Variants in LRRC37A2 observed in about 807,000 individuals in gnomAD.
The protein encoded by LRRC37A2 is leucine rich repeat containing 37 member A2, also known as leucine-rich repeat-containing protein 37A2.
In LRRC37A2, 9 loss-of-function variants were observed where a neutral mutation model predicts 68.8. That is an observed-to-expected ratio of 0.13 (90% CI 0.08 to 0.23). The LOEUF is 0.23. Ranked by LOEUF, LRRC37A2 falls within the 10% of genes least tolerant of loss-of-function variation. The pLI is 1.00. For synonymous variants in LRRC37A2, 63 were observed against 367.6 expected (o/e 0.17, Z 9.48); for missense variants, 168 against 950.4 (o/e 0.18, Z 10.82).
chr17:46,630,979 C>G, the LRRC37A2 span, among the ~76,000 whole-genome samples: 2 of 138,058 alleles, frequency 1.4e-5, no homozygotes, highest in African/African-American at 3.0e-5. Flanking sequence ...TGTATACTAC[C>G]TTTACCCAGC....
chr17:46,888,788 A>G, the LRRC37A2 span, among the ~76,000 whole-genome samples: 1 of 152,138 alleles, frequency 6.6e-6, no homozygotes, highest in Non-Finnish European at 1.5e-5. Context: ...AGTGAAAACC[A>G]GTGTTTCTGA....
the LRRC37A2 span, among the ~76,000 whole-genome samples, chr17:46,881,646 G>A: frequency 1.2e-4 from 18 of 152,034 alleles, no homozygotes; most frequent in African/African-American, 3.4e-4. Flanking sequence ...AAACAGGCCC[G>A]CAGACCCCTC....
At chr17:46,866,786 C>T in the LRRC37A2 span, among the ~76,000 whole-genome samples, 1 of 152,108 alleles carries the variant, frequency 6.6e-6, no homozygotes, top group East Asian at 1.9e-4. Context: ...TTGTCCTGTG[C>T]CACCCACCCA....
the LRRC37A2 span, among the ~76,000 whole-genome samples, chr17:46,498,275 TA>T: frequency 6.7e-6 from 1 of 148,408 alleles, no homozygotes; most frequent in Admixed American, 6.7e-5. Context: ...ACCTCTTTTC[TA>T]AACTCCAGAT....
chr17:46,768,467 G>A, the LRRC37A2 span: 140 of 1,614,150 alleles, frequency 8.7e-5, no homozygotes, highest in African/African-American at 1.5e-3. The surrounding 1 kb of genome is among the most constrained non-coding windows in gnomAD (Gnocchi z 5.0). Context: ...CGCAGCCATC[G>A]ATGCCGTGGG....
chr17:46,399,946 CTG>C, the LRRC37A2 span, among the ~76,000 whole-genome samples: 1 of 101,784 alleles, frequency 9.8e-6, no homozygotes. Flanking sequence ...AATTCCAAAA[CTG>C]TGCAGTGTTG....
the LRRC37A2 span, chr17:46,884,950 G>A: frequency 2.6e-6 from 1 of 390,206 alleles, no homozygotes; most frequent in Non-Finnish European, 5.0e-6. Context: ...CCCCACTCCT[G>A]CAACCCATCA....
chr17:46,858,465 T>TTTTTA, the LRRC37A2 span, among the ~76,000 whole-genome samples: 12,843 of 151,230 alleles, frequency 0.085, 611 homozygotes, highest in Non-Finnish European at 0.1. Flanking sequence ...CGTTTTCTCC[T>TTTTTA]TTTTATTTTA....
At chr17:46,773,456 G>A in the LRRC37A2 span, among the ~76,000 whole-genome samples, 2 of 152,150 alleles carry the variant, frequency 1.3e-5, no homozygotes, top group South Asian at 2.1e-4. Context: ...TCTTGGTGTC[G>A]GCCCTCAAAC....
chr17:46,764,816 A>G, the LRRC37A2 span, among the ~76,000 whole-genome samples: 1 of 152,192 alleles, frequency 6.6e-6, no homozygotes, highest in Non-Finnish European at 1.5e-5. Flanking sequence ...TATGAGTCAC[A>G]GGAGCAGTAA....
the LRRC37A2 span, among the ~76,000 whole-genome samples, chr17:46,724,410 G>A: frequency 3.9e-5 from 6 of 152,172 alleles, no homozygotes; most frequent in African/African-American, 1.4e-4. Flanking sequence ...ATAGATAATA[G>A]AGGCCCCGCC....
the LRRC37A2 span, among the ~76,000 whole-genome samples, chr17:46,847,985 T>C: frequency 6.6e-6 from 1 of 151,852 alleles, no homozygotes; most frequent in African/African-American, 2.4e-5. Flanking sequence ...TGTGTGTGTG[T>C]GTGTGTGTGT....
the LRRC37A2 span, among the ~76,000 whole-genome samples, chr17:46,430,653 A>AT: frequency 1.8e-4 from 6 of 32,488 alleles, no homozygotes; most frequent in Admixed American, 5.4e-4. Flanking sequence ...ATTTATAAAG[A>AT]TTTTTTTTTA....
chr17:46,936,431 G>A, the LRRC37A2 span: 2 of 985,288 alleles, frequency 2.0e-6, no homozygotes, highest in African/African-American at 1.7e-5. Flanking sequence ...AAGGCTGTGA[G>A]GTGGCTGGGG....
At chr17:46,848,906 G>A in the LRRC37A2 span, among the ~76,000 whole-genome samples, 1 of 151,210 alleles carries the variant, frequency 6.6e-6, no homozygotes, top group African/African-American at 2.4e-5. Context: ...GAGATTGTGA[G>A]CCAGGCCCGG....
the LRRC37A2 span, among the ~76,000 whole-genome samples, chr17:47,037,115 C>T: frequency 7.3e-6 from 1 of 136,252 alleles, no homozygotes; most frequent in African/African-American, 2.7e-5. Flanking sequence ...CATGGTGAAA[C>T]CCCGTGTCTA....
chr17:46,690,628 T>TAC, the LRRC37A2 span, among the ~76,000 whole-genome samples: 8 of 96,588 alleles, frequency 8.3e-5, no homozygotes, highest in Non-Finnish European at 1.6e-4. Flanking sequence ...AAAAAAAATA[T>TAC]ATATATATAT....
the LRRC37A2 span, among the ~76,000 whole-genome samples, chr17:46,909,094 C>A: frequency 6.6e-6 from 1 of 152,228 alleles, no homozygotes; most frequent in South Asian, 2.1e-4. Context: ...CTCTGTCACC[C>A]AGGCTGGAGT....
chr17:46,824,464 G>A, the LRRC37A2 span, among the ~76,000 whole-genome samples: 2 of 152,242 alleles, frequency 1.3e-5, no homozygotes, highest in South Asian at 2.1e-4. Context: ...GGCCAGGCTG[G>A]TCTTGAACTC....
Sources: gnomAD v4.1 joint callset for allele counts (sites outside exome capture counted in the v4.1 genomes callset) on GRCh38, gnomAD v4.1.1 for gene constraint, Gnocchi (gnomAD v3.1) non-coding constraint, MANE v1.5 for transcripts, NCBI Gene and HGNC (gene_info 2026-07-23, HGNC 2026-07-21) for gene names.